Variants in UBE2H observed in about 807,000 individuals in gnomAD.
The protein encoded by UBE2H is ubiquitin conjugating enzyme E2 H.
A neutral mutation model predicts 29.0 loss-of-function variants in UBE2H; 3 were observed. That is an observed-to-expected ratio of 0.10 (90% confidence interval 0.05 to 0.27). The LOEUF is 0.27. Among genes scored for constraint, UBE2H ranks in the 10% least tolerant of loss-of-function variants. The probability of loss-of-function intolerance (pLI) is 1.00; values close to 1 mark genes in which losing one functional copy is unlikely to be tolerated. For missense variants in UBE2H, 68 were observed against 228.2 expected, an observed-to-expected ratio of 0.30 and a Z score of 4.52; for synonymous variants, 69 against 82.9, an observed-to-expected ratio of 0.83 and a Z score of 0.91.
chr7:129,946,221 T>TTCA (rs200382276), intron 1 of UBE2H, among the ~76,000 whole-genome samples: 1 of 146,908 alleles, frequency 6.8e-6, no homozygotes, highest in East Asian at 2.0e-4. Flanking sequence ...CCCGGCTAAT[T>TTCA]TTTTTTTTTT....
intron 1 of UBE2H, among the ~76,000 whole-genome samples, chr7:129,908,738 C>G (rs1806870846): frequency 6.6e-6 from 1 of 152,192 alleles, no homozygotes; most frequent in Admixed American, 6.5e-5. Flanking sequence ...GCACCACCTT[C>G]AAATTTTCCA....
chr7:129,894,267 AAT>A (rs548393444), intron 1 of UBE2H, among the ~76,000 whole-genome samples: 399 of 152,270 alleles, frequency 2.6e-3, no homozygotes, highest in Non-Finnish European at 4.3e-3. Context: ...CAGCTTGGGC[AAT>A]ATGGTGAAAC....
chr7:129,886,171 T>G (rs572726108), intron 1 of UBE2H, among the ~76,000 whole-genome samples: 2 of 152,352 alleles, frequency 1.3e-5, no homozygotes, highest in South Asian at 4.1e-4. Flanking sequence ...TACTCATCTT[T>G]TTTGATCTTA....
At chr7:129,847,253 G>A (rs1805529018) in intron 5 of UBE2H, among the ~76,000 whole-genome samples, 1 of 152,156 alleles carries the variant, frequency 6.6e-6, no homozygotes, top group African/African-American at 2.4e-5. Flanking sequence ...TGGCCAGGCT[G>A]GTCTCGAACT....
chr7:129,920,334 G>A (rs1346182096), intron 1 of UBE2H, among the ~76,000 whole-genome samples: 1 of 151,798 alleles, frequency 6.6e-6, no homozygotes, highest in Non-Finnish European at 1.5e-5. Flanking sequence ...CACTATCCCA[G>A]AAAAACACAT....
At chr7:129,842,530 A>T (rs1464007406) in intron 5 of UBE2H, among the ~76,000 whole-genome samples, 1 of 152,194 alleles carries the variant, frequency 6.6e-6, no homozygotes, top group Non-Finnish European at 1.5e-5. Context: ...AAGTCTGAAA[A>T]TGTTTTTATT....
intron 1 of UBE2H, among the ~76,000 whole-genome samples, chr7:129,893,245 G>C (rs1394668750): frequency 2.0e-5 from 3 of 152,116 alleles, no homozygotes; most frequent in Non-Finnish European, 4.4e-5. Context: ...GAGTTTCTAT[G>C]TCACAAGCCA....
chr7:129,862,700 T>C (rs190854170), intron 3 of UBE2H, among the ~76,000 whole-genome samples: 3 of 152,328 alleles, frequency 2.0e-5, no homozygotes, highest in African/African-American at 2.4e-5. Context: ...CTGAAGTTTT[T>C]TCCTGAAACT....
At chr7:129,891,959 T>TC (rs201369394) in intron 1 of UBE2H, among the ~76,000 whole-genome samples, 1,972 of 149,610 alleles carry the variant, frequency 0.013, 49 homozygotes, top group African/African-American at 0.046. Context: ...ACACCTTTTT[T>TC]TTTTTTTTTT....
chr7:129,928,843 A>C (rs1224831805), intron 1 of UBE2H, among the ~76,000 whole-genome samples: 1 of 152,216 alleles, frequency 6.6e-6, no homozygotes, highest in Non-Finnish European at 1.5e-5. Context: ...AAACAGAAAA[A>C]AGGCTCTGCA....
At chr7:129,931,459 C>G (rs968561438) in intron 1 of UBE2H, among the ~76,000 whole-genome samples, 2 of 150,708 alleles carry the variant, frequency 1.3e-5, no homozygotes, top group Non-Finnish European at 3.0e-5. Flanking sequence ...TTTAGAAACA[C>G]AAAATATTAA....
intron 3 of UBE2H, among the ~76,000 whole-genome samples, chr7:129,878,113 T>C (rs985704208): frequency 6.6e-6 from 1 of 152,108 alleles, no homozygotes; most frequent in Non-Finnish European, 1.5e-5. Flanking sequence ...ATGAATAAAC[T>C]GGGGACAGGG....
At chr7:129,879,767 G>A (rs1385541169) in intron 2 of UBE2H, 125 bp from the exon 3 acceptor site, 3 of 790,752 alleles carry the variant, frequency 3.8e-6, no homozygotes, top group African/African-American at 1.7e-5. Context: ...TCAAGAGTCA[G>A]GGACCTACTA....
rs1379782804 is a variant in UBE2H, at chr7:129,830,878, G to A, written c.*4059C>T. 6.7e-6 allele frequency: 1 copy of A among 149,580 alleles called. No homozygotes were observed. The highest frequency in any genetic ancestry group is 2.5e-5 in the African/African-American group (1 of 40,340). 9.3% of individuals were successfully genotyped at this position (149,580 alleles called of 1,614,324 possible). A position where few individuals can be genotyped will look rare whatever the true frequency, so the allele number is the denominator to read the frequency against. ...ACAATGCAAGGAGAAAGGTGGAAGG[G>A]AGGAGACAGGGCGAGGAAAAATAAG... On this transcript the variant is annotated 3_prime_UTR_variant, in exon 7 of 7. Transcript: ENST00000355621.
intron 3 of UBE2H, among the ~76,000 whole-genome samples, chr7:129,860,181 A>C (rs901760717): frequency 1.3e-5 from 2 of 152,204 alleles, no homozygotes; most frequent in African/African-American, 4.8e-5. Context: ...AGTAGAAAAC[A>C]GGGGATAAGA....
intron 1 of UBE2H, among the ~76,000 whole-genome samples, chr7:129,937,970 T>C (rs1260209800): frequency 4.6e-5 from 7 of 152,168 alleles, no homozygotes; most frequent in Admixed American, 3.9e-4. Flanking sequence ...TTGTGTTCAA[T>C]GTTTTAGTGT....
intron 1 of UBE2H, among the ~76,000 whole-genome samples, chr7:129,920,848 C>CAA (rs11347186): frequency 4.9e-4 from 36 of 73,958 alleles, no homozygotes; most frequent in African/African-American, 1.5e-3. Context: ...TAGAAAAAGT[C>CAA]AAAAAAAAAA....
chr7:129,944,365 C>A (rs371639005), intron 1 of UBE2H, among the ~76,000 whole-genome samples: 276 of 133,222 alleles, frequency 2.1e-3, no homozygotes, highest in Middle Eastern at 7.4e-3. Flanking sequence ...CAAAACAAAA[C>A]AAAACAAAAC....
chr7:129,934,194 C>T (rs528722763), intron 1 of UBE2H, among the ~76,000 whole-genome samples: 2 of 152,188 alleles, frequency 1.3e-5, no homozygotes, highest in African/African-American at 4.8e-5. Flanking sequence ...TTATAGCACA[C>T]GACTGTACTC....
Sources: gnomAD v4.1 joint callset for allele counts (sites outside exome capture counted in the v4.1 genomes callset) on GRCh38, gnomAD v4.1.1 for gene constraint, MANE v1.5 for transcripts, NCBI Gene and HGNC (gene_info 2026-07-23, HGNC 2026-07-21) for gene names.